Variants in MAP3K5 observed in about 807,000 individuals in gnomAD.
The protein encoded by MAP3K5 is mitogen-activated protein kinase kinase kinase 5, also known as ASK-1.
Under a neutral mutation model 158.7 loss-of-function variants are expected in MAP3K5, and 56 were observed. The ratio of observed to expected loss-of-function variants is 0.35; its 90% CI spans 0.28 to 0.44. The LOEUF (loss-of-function observed/expected upper bound fraction) is 0.44, where lower values mean the gene tolerates loss of function less well. Among genes scored for constraint, MAP3K5 ranks in the 20% least tolerant of loss-of-function variants. MAP3K5 has a pLI of 1.00. For synonymous variants in MAP3K5, 579 were observed against 601.7 expected (o/e 0.96, Z 0.55); for missense variants, 1,294 against 1,674.8 (o/e 0.77, Z 3.97).
At position 136,622,999 on chromosome 6, in the gene MAP3K5, G is replaced by A. The variant is rs1776878993; in HGVS notation, c.2017-18C>T. ...TAGTCATACTACAAAAGGAAAAACG[G>A]GGAGAAAAGATCAAAACATTAGTTC... On this transcript the variant is annotated intron_variant, in intron 14 of 29. Coordinates refer to ENST00000359015, the MANE Select transcript of MAP3K5 (RefSeq NM_005923.4). The A allele has an allele frequency of 6.2e-7, 1 of 1,611,184 alleles. No individual in the cohort carries two copies. Among genetic ancestry groups the A allele is most frequent in the Admixed American group, 1.7e-5 (1 of 59,682 alleles).
intron 15 of MAP3K5, among the ~76,000 whole-genome samples, chr6:136,617,911 C>T (rs773836399): frequency 6.6e-6 from 1 of 151,936 alleles, no homozygotes; most frequent in Non-Finnish European, 1.5e-5. Flanking sequence ...CCAGCCTGGG[C>T]GACAGAATGA....
At chr6:136,608,625 G>A (rs747706502) in intron 18 of MAP3K5, among the ~76,000 whole-genome samples, 3 of 152,184 alleles carry the variant, frequency 2.0e-5, no homozygotes, top group Non-Finnish European at 4.4e-5. Context: ...GGCCTGTTAA[G>A]TCTTGCTTGA....
intron 21 of MAP3K5, among the ~76,000 whole-genome samples, chr6:136,596,965 G>A (rs1775659993): frequency 6.6e-6 from 1 of 152,160 alleles, no homozygotes; most frequent in Admixed American, 6.5e-5. Context: ...GAGTGATTGG[G>A]ACCCCAGGCT....
intron 6 of MAP3K5, 100 bp downstream of exon 6, chr6:136,695,851 G>A (rs1780580314): frequency 1.7e-6 from 1 of 600,998 alleles, no homozygotes; most frequent in Non-Finnish European, 2.9e-6. Flanking sequence ...ATTTTAATAG[G>A]GACTTCTTGC....
At chr6:136,644,860 C>T (rs927540735) in intron 11 of MAP3K5, among the ~76,000 whole-genome samples, 1 of 152,136 alleles carries the variant, frequency 6.6e-6, no homozygotes, top group African/African-American at 2.4e-5. Flanking sequence ...TAGCTAGCTA[C>T]TTAAGAACAT....
intron 28 of MAP3K5, 21 bp downstream of exon 28, chr6:136,561,512 C>T (rs371414346): frequency 4.6e-5 from 70 of 1,519,616 alleles, no homozygotes; most frequent in Non-Finnish European, 6.1e-5. Flanking sequence ...GAATACTTGT[C>T]CCACAGACAG....
At chr6:136,735,828 C>T (rs1782435115) in intron 1 of MAP3K5, among the ~76,000 whole-genome samples, 1 of 151,766 alleles carries the variant, frequency 6.6e-6, no homozygotes, top group Non-Finnish European at 1.5e-5. Flanking sequence ...GAACCTATCT[C>T]TAAAAAAACA....
At chr6:136,669,515 C>A in intron 7 of MAP3K5, 120 bp from the exon 8 acceptor site, 1 of 633,734 alleles carries the variant, frequency 1.6e-6, no homozygotes, top group African/African-American at 1.8e-5. Context: ...CTGGCCTTCA[C>A]CCCAGAATCT....
intron 1 of MAP3K5, among the ~76,000 whole-genome samples, chr6:136,781,722 T>G (rs1390550970): frequency 1.3e-5 from 2 of 152,218 alleles, no homozygotes; most frequent in Non-Finnish European, 2.9e-5. Context: ...AACTGATTCA[T>G]TGATACTATC....
At position 136,585,473 on chromosome 6, in the gene MAP3K5, C is replaced by T. The variant is rs9494540; in HGVS notation, c.3226-1733G>A. Among the ~76,000 whole-genome samples the T allele has an allele frequency of 3.0e-5, 4 of 135,038 alleles. 1 individual carries two copies. The highest frequency in any genetic ancestry group is 4.8e-5 in the Non-Finnish European group (3 of 62,116). The allele number at this position is 135,038 out of a possible 152,430, so 88.6% of individuals were successfully genotyped here. On this transcript the variant is annotated intron_variant, in intron 23 of 29. Coordinates refer to ENST00000359015, the MANE Select transcript of MAP3K5 (RefSeq NM_005923.4). ...CATATTGCTTCCTTTCTTTTCTTTT[C>T]TTTATTTATTTATTTATTTATTTAT...
intron 7 of MAP3K5, among the ~76,000 whole-genome samples, chr6:136,679,066 C>A (rs1172389996): frequency 6.6e-6 from 1 of 152,156 alleles, no homozygotes; most frequent in Non-Finnish European, 1.5e-5. Flanking sequence ...TTCATTATTT[C>A]ATTTAAAAGA....
chr6:136,667,761 G>T (rs1315868470), intron 8 of MAP3K5, among the ~76,000 whole-genome samples: 1 of 151,760 alleles, frequency 6.6e-6, no homozygotes, highest in Non-Finnish European at 1.5e-5. Flanking sequence ...TGAGGTGGGA[G>T]GATCACCTAA....
rs142824590 is a variant in MAP3K5, at chr6:136,588,625, A to G, written c.3225+3548T>C. ...GTGCCTGGCCTTCGACTGATGCTCAATAAGTATTTGTTGAATGAATAAATG... is the reference window on the plus strand; with the variant it reads ...GTGCCTGGCCTTCGACTGATGCTCAGTAAGTATTTGTTGAATGAATAAATG... On this transcript the variant is annotated intron_variant, in intron 23 of 29. Coordinates refer to ENST00000359015, the MANE Select transcript of MAP3K5 (RefSeq NM_005923.4). Among the ~76,000 whole-genome samples the G allele has an allele frequency of 8.2e-3, 1,255 of 152,280 alleles. 6 individuals are homozygous for G. Among genetic ancestry groups the G allele is most frequent in the Non-Finnish European group, 0.014 (950 of 68,030 alleles).
At chr6:136,688,961 G>A (rs751798364) in intron 7 of MAP3K5, among the ~76,000 whole-genome samples, 2 of 151,848 alleles carry the variant, frequency 1.3e-5, no homozygotes, top group African/African-American at 4.8e-5. Flanking sequence ...GATAATAAAA[G>A]GGCTGCACAA....
intron 15 of MAP3K5, among the ~76,000 whole-genome samples, chr6:136,615,373 A>G (rs1324552825): frequency 6.6e-6 from 1 of 152,220 alleles, no homozygotes; most frequent in African/African-American, 2.4e-5. Flanking sequence ...CAGGGGTTAA[A>G]GCAGAGGGGA....
At chr6:136,751,801 G>C (rs1214487410) in intron 1 of MAP3K5, among the ~76,000 whole-genome samples, 2 of 152,296 alleles carry the variant, frequency 1.3e-5, no homozygotes, top group African/African-American at 4.8e-5. Flanking sequence ...CACCAAACAT[G>C]TAAAATATCG....
intron 7 of MAP3K5, among the ~76,000 whole-genome samples, chr6:136,684,153 C>A (rs924070655): frequency 4.0e-5 from 6 of 151,892 alleles, no homozygotes; most frequent in African/African-American, 1.5e-4. Flanking sequence ...ATCACTTGAG[C>A]CCAGGAGTTC....
intron 1 of MAP3K5, among the ~76,000 whole-genome samples, chr6:136,774,184 T>G (rs1170266433): frequency 1.3e-4 from 20 of 152,122 alleles, no homozygotes; most frequent in Admixed American, 1.3e-3. Context: ...TTCCTTCTCC[T>G]CCTGAAGAAT....
chr6:136,636,958 C>A (rs891958491), intron 14 of MAP3K5: 1 of 1,031,538 alleles, frequency 9.7e-7, no homozygotes, highest in East Asian at 9.0e-5. Context: ...TTAATGCCTG[C>A]CACAAGGGTG....
Sources: gnomAD v4.1 joint callset for allele counts (sites outside exome capture counted in the v4.1 genomes callset) on GRCh38, gnomAD v4.1.1 for gene constraint, MANE v1.5 for transcripts, NCBI Gene and HGNC (gene_info 2026-07-23, HGNC 2026-07-21) for gene names.